The following CCDC33 variants were observed in gnomAD, a reference collection of about 807,000 sequenced individuals.
CCDC33 encodes the protein coiled-coil domain-containing protein 33.
CCDC33 carries 94 observed loss-of-function variants against 91.9 expected under a neutral mutation model. The ratio of observed to expected loss-of-function variants is 1.02; its 90% confidence interval spans 0.87 to 1.21. The LOEUF (loss-of-function observed/expected upper bound fraction) is 1.21. Among genes scored for constraint, CCDC33 ranks in the 50% most tolerant of loss-of-function variants. The pLI, the probability that CCDC33 is intolerant of heterozygous loss-of-function variation, is 0.00. For missense variants in CCDC33, 940 were observed against 935.5 expected, an observed-to-expected ratio of 1.00 and a Z score of -0.06; for synonymous variants, 396 against 374.5, an observed-to-expected ratio of 1.06 and a Z score of -0.66.
At chr15:74,230,612 G>C (rs796071854) in intron 2 of CCDC33, among the ~76,000 whole-genome samples, 16 of 152,270 alleles carry the variant, frequency 1.1e-4, no homozygotes, top group African/African-American at 3.6e-4. Flanking sequence ...TGGAAGCCGC[G>C]TTGTCCAACA....
intron 3 of CCDC33, among the ~76,000 whole-genome samples, chr15:74,264,440 C>T (rs552616719): frequency 4.3e-4 from 66 of 152,294 alleles, no homozygotes; most frequent in African/African-American, 1.5e-3. Context: ...GGAGGAGTGG[C>T]TGTCCATTAC....
intron 2 of CCDC33, among the ~76,000 whole-genome samples, chr15:74,224,777 A>C (rs1247613514): frequency 6.6e-6 from 1 of 152,242 alleles, no homozygotes; most frequent in African/African-American, 2.4e-5. Context: ...TAAGTGGTTA[A>C]TAAATTCCTG....
chr15:74,282,394 GCTCCTGAAGGACGCC>G lies in CCDC33; in HGVS notation c.1095+547_1095+561del, dbSNP rs1462571466. On this transcript the variant is annotated intron_variant, in intron 10 of 18. Transcript: ENST00000398814. ...AGGCTGTCAGCCGGGGCAGCTCTCA[GCTCCTGAAGGACGCC>G]CACATGCCCCCTCACAATGGCCCCG... 3.9e-5 allele frequency among the ~76,000 whole-genome samples: 6 copies of G among 152,274 alleles called. No individual in the cohort carries two copies. In the South Asian group the frequency reaches 1.0e-3, roughly 26 times the overall value.
At chr15:74,327,106 G>C (rs187305090) in intron 11 of CCDC33, among the ~76,000 whole-genome samples, 35 of 152,232 alleles carry the variant, frequency 2.3e-4, no homozygotes, top group Non-Finnish European at 4.4e-4. Context: ...AGCCAGGGCC[G>C]AGATCCCTCT....
rs767019041 is a variant in CCDC33 at position 74,335,106 on chromosome 15, A to T, written c.2139+18A>T. 6.4e-7 allele frequency: 1 copy of T among 1,563,588 alleles called. No individual in the cohort carries two copies. The highest frequency in any genetic ancestry group is 1.4e-5 in the African/African-American group (1 of 73,868). On this transcript the variant is annotated intron_variant, in intron 18 of 18. Transcript: ENST00000398814. ...AACAGCCTGTGAGTGACCCCCCTGG[A>T]GTAGCTCCCAGGGGTTCAGGTGGTG...
chr15:74,276,879 A>G (rs1213486949), intron 7 of CCDC33, among the ~76,000 whole-genome samples: 1 of 152,122 alleles, frequency 6.6e-6, no homozygotes, highest in Non-Finnish European at 1.5e-5. Context: ...GTCAGAAGTC[A>G]TGGCTTTCTC....
chr15:74,336,057 C>T lies in CCDC33; in HGVS notation c.*4C>T, dbSNP rs1422661186. The T allele has an allele frequency of 6.2e-7, 1 of 1,613,540 alleles. No homozygotes were observed. Among genetic ancestry groups the T allele is most frequent in the South Asian group, 1.1e-5 (1 of 91,062 alleles). On this transcript the variant is annotated 3_prime_UTR_variant, in exon 19 of 19. Transcript: ENST00000398814. ...CGCTAACTCTCAGCAGACCTGAGCCCCAGAGCAGGCCTCCTTCCCTGTGTG... is the reference window on the plus strand; with the variant it reads ...CGCTAACTCTCAGCAGACCTGAGCCTCAGAGCAGGCCTCCTTCCCTGTGTG...
chr15:74,241,989 A>C (rs2075362858), intron 1 of CCDC33, among the ~76,000 whole-genome samples: 1 of 152,244 alleles, frequency 6.6e-6, no homozygotes, highest in Non-Finnish European at 1.5e-5. Context: ...AGAGGCCAGT[A>C]GACCCCCAAG....
chr15:74,271,822 G>A (rs1420737072), intron 6 of CCDC33, 28 bp downstream of exon 6: 2 of 1,584,148 alleles, frequency 1.3e-6, no homozygotes, highest in African/African-American at 1.3e-5. Context: ...GGACCTGGGT[G>A]AGGAGGGCAG....
chr15:74,207,024 C>T (rs1275608407), intron 1 of CCDC33, among the ~76,000 whole-genome samples: 2 of 152,238 alleles, frequency 1.3e-5, no homozygotes, highest in African/African-American at 4.8e-5. Context: ...TTGGGCTTGG[C>T]ACAGAGCTGC....
rs551503185 is a variant in CCDC33 at position 74,236,556 on chromosome 15, G to T, written c.-164G>T. Reference sequence around the variant, plus strand: ...ATCCAGGCCCCAGGGCTGGTGTGTGGCACCCCTGAGACCACATTGACCTCC... The same window carrying T: ...ATCCAGGCCCCAGGGCTGGTGTGTGTCACCCCTGAGACCACATTGACCTCC... On this transcript the variant is annotated 5_prime_UTR_variant, in exon 1 of 19. Transcript: ENST00000398814. 1.7e-5 allele frequency: 8 copies of T among 483,014 alleles called. No homozygotes were observed. The South Asian group carries it at 2.9e-4, about 17-fold the overall frequency. The allele number at this position is 483,014 out of a possible 1,614,324, so 29.9% of individuals were successfully genotyped here. A position where few individuals can be genotyped will look rare whatever the true frequency, so the allele number is the denominator to read the frequency against.
At chr15:74,226,769 G>A (rs980040331) in intron 2 of CCDC33, among the ~76,000 whole-genome samples, 5 of 151,524 alleles carry the variant, frequency 3.3e-5, no homozygotes, top group African/African-American at 9.7e-5. Flanking sequence ...CAGAGGTTGC[G>A]GTGAGCCAAG....
intron 1 of CCDC33, chr15:74,208,092 AC>A (rs2074303895): frequency 1.2e-5 from 14 of 1,193,186 alleles, no homozygotes; most frequent in Non-Finnish European, 1.5e-5. Flanking sequence ...ATGAGGGTGG[AC>A]ACTGGTGAGG....
At chr15:74,319,933 G>A (rs1366738672) in intron 11 of CCDC33, among the ~76,000 whole-genome samples, 1 of 152,176 alleles carries the variant, frequency 6.6e-6, no homozygotes, top group Non-Finnish European at 1.5e-5. Context: ...AGAAAGAACA[G>A]AAGAAAGGGA....
chr15:74,257,027 T>A (rs1361850001), intron 2 of CCDC33, among the ~76,000 whole-genome samples: 2 of 152,220 alleles, frequency 1.3e-5, no homozygotes, highest in Non-Finnish European at 2.9e-5. Flanking sequence ...CCCCATGCCC[T>A]GCAGGCAAGG....
chr15:74,244,159 G>A lies in CCDC33; in HGVS notation c.185+11G>A. 1.2e-6 allele frequency: 2 copies of A among 1,602,758 alleles called. No individual in the cohort carries two copies. The highest frequency in any genetic ancestry group is 1.1e-5 in the South Asian group (1 of 90,150). ...GCCCTATGTGGTGGTGTAAGTAGCT[G>A]CGTGAGAGTGGGGGCAGGGGATGGG... On this transcript the variant is annotated intron_variant, in intron 2 of 18. Coordinates refer to ENST00000398814, the MANE Select transcript of CCDC33 (RefSeq NM_025055.5). This position sits in a 1 kb window ranked among gnomAD's most constrained non-coding sequence, Gnocchi z 4.2.
rs766565847 is a variant in CCDC33, at chr15:74,332,844, C to T, written c.1937C>T (p.Pro646Leu). 8.1e-6 allele frequency: 13 copies of T among 1,613,458 alleles called. No homozygotes were observed. Among genetic ancestry groups the T allele is most frequent in the East Asian group, 4.5e-5 (2 of 44,874 alleles). ...ATCATTCTGCAGCAACAGGCCCTGCCGGTAAGAGGCCCTTGACCTGGGCCT... is the reference window on the plus strand; with the variant it reads ...ATCATTCTGCAGCAACAGGCCCTGCTGGTAAGAGGCCCTTGACCTGGGCCT... ...APIILQQQAL[P>L]DLLSGTSDKF... Residue 646 changes from proline to leucine, a missense_variant and splice_region_variant, in exon 16 of 19, where the codon CCG (proline) becomes CTG (leucine). By Grantham distance (98) the Pro-to-Leu change is moderately conservative. Coordinates refer to ENST00000398814, the MANE Select transcript of CCDC33 (RefSeq NM_025055.5).
intron 11 of CCDC33, among the ~76,000 whole-genome samples, chr15:74,298,566 T>G (rs1370082821): frequency 6.6e-6 from 1 of 152,038 alleles, no homozygotes; most frequent in Non-Finnish European, 1.5e-5. Context: ...CGAGATGGAG[T>G]TTCGCTCTTG....
chr15:74,266,374 G>A (rs1264459137), intron 3 of CCDC33, among the ~76,000 whole-genome samples: 1 of 152,222 alleles, frequency 6.6e-6, no homozygotes, highest in Non-Finnish European at 1.5e-5. Flanking sequence ...GTTGCCACAG[G>A]GGACTGGACT....
Sources: allele counts gnomAD v4.1 joint callset (sites outside exome capture counted in the v4.1 genomes callset), GRCh38; gene constraint gnomAD v4.1.1; non-coding constraint Gnocchi (gnomAD v3.1); transcripts MANE v1.5; gene names NCBI Gene and HGNC (gene_info 2026-07-23, HGNC 2026-07-21).